PKIG: variants seen among roughly 807,000 people sequenced by gnomAD.
PKIG encodes the protein cAMP-dependent protein kinase inhibitor gamma.
Under a neutral mutation model 6.8 loss-of-function variants are expected in PKIG, and 1 was observed. That is an observed-to-expected ratio of 0.15 (90% CI 0.05 to 0.69). The LOEUF (loss-of-function observed/expected upper bound fraction) is 0.69. Among genes scored for constraint, PKIG ranks in the 30% least tolerant of loss-of-function variants. The probability of loss-of-function intolerance (pLI) is 0.82; values close to 1 mark genes in which losing one functional copy is unlikely to be tolerated. For synonymous variants in PKIG, 39 were observed against 43.0 expected, an observed-to-expected ratio of 0.91 and a Z score of 0.36; for missense variants, 77 against 104.0, an observed-to-expected ratio of 0.74 and a Z score of 1.13.
chr20:44,581,597 A>G (rs953595478), upstream of PKIG, among the ~76,000 whole-genome samples: 1 of 152,166 alleles, frequency 6.6e-6, no homozygotes. Context: ...CTGCTGTTCC[A>G]TGTTGGTCCC....
At chr20:44,569,597 A>G (rs145578325) in intron 1 of PKIG, among the ~76,000 whole-genome samples, 1 of 151,898 alleles carries the variant, frequency 6.6e-6, no homozygotes, top group East Asian at 1.9e-4. Context: ...TTGTTATTTT[A>G]TTTTGTCATT....
rs758343386 is a variant in PKIG, at chr20:44,618,580, G to A, written c.*216G>A. 7.2e-5 allele frequency: 37 copies of A among 510,570 alleles called. No homozygotes were observed. The highest frequency in any genetic ancestry group is 1.2e-4 in the Non-Finnish European group (35 of 280,034). The allele number at this position is 510,570 out of a possible 1,614,324, so 31.6% of individuals were successfully genotyped here. A position where few individuals can be genotyped will look rare whatever the true frequency, so the allele number is the denominator to read the frequency against. ...CACATTCCCACCACCTTCGCACCGT[G>A]CCCAGGTACACTTTCAAGACACTGT... On this transcript the variant is annotated 3_prime_UTR_variant, in exon 4 of 4. Coordinates refer to ENST00000372886, the MANE Select transcript of PKIG (RefSeq NM_001281445.2).
chr20:44,604,680 T>TA (rs2065148996), intron 2 of PKIG, among the ~76,000 whole-genome samples: 1 of 152,210 alleles, frequency 6.6e-6, no homozygotes, highest in Non-Finnish European at 1.5e-5. Flanking sequence ...GGAAGGCACT[T>TA]ACCTTGCATA....
At chr20:44,602,252 CTCTA>C (rs1268360322) in intron 2 of PKIG, among the ~76,000 whole-genome samples, 2 of 152,204 alleles carry the variant, frequency 1.3e-5, no homozygotes, top group African/African-American at 4.8e-5. Context: ...CTGGGTCCCT[CTCTA>C]TCCAACTTTT....
At chr20:44,574,616 C>T (rs1490659026) in intron 1 of PKIG, among the ~76,000 whole-genome samples, 1 of 152,154 alleles carries the variant, frequency 6.6e-6, no homozygotes, top group Non-Finnish European at 1.5e-5. Flanking sequence ...GCCTGTCACC[C>T]AGGCTGGAGT....
intron 1 of PKIG, among the ~76,000 whole-genome samples, chr20:44,566,804 C>A (rs1229565562): frequency 1.3e-5 from 2 of 152,162 alleles, no homozygotes; most frequent in Non-Finnish European, 2.9e-5. Flanking sequence ...CAAGATTGTA[C>A]TACTGTACTT....
chr20:44,544,873 G>A (rs955025273), intron 1 of PKIG, among the ~76,000 whole-genome samples: 2 of 144,530 alleles, frequency 1.4e-5, no homozygotes, highest in African/African-American at 5.1e-5. Flanking sequence ...TTTTTACATT[G>A]ACTTTCCTCT....
intron 1 of PKIG, among the ~76,000 whole-genome samples, chr20:44,568,002 T>G (rs1195462803): frequency 2.0e-5 from 3 of 152,106 alleles, no homozygotes; most frequent in African/African-American, 7.2e-5. Context: ...CAAAATGAGC[T>G]AGGCATGGTG....
chr20:44,546,791 A>G (rs1018439510), intron 1 of PKIG, among the ~76,000 whole-genome samples: 1 of 374 alleles, frequency 2.7e-3, no homozygotes, highest in Non-Finnish European at 5.1e-3. Context: ...GACCTCAGGT[A>G]ATTCCACCCG....
chr20:44,544,660 A>G (rs1057481263), intron 1 of PKIG, among the ~76,000 whole-genome samples: 2 of 152,220 alleles, frequency 1.3e-5, no homozygotes, highest in African/African-American at 4.8e-5. Flanking sequence ...CACCATGTTC[A>G]GTTTACATCT....
At chr20:44,533,077 C>A (rs1227589438) in intron 1 of PKIG, among the ~76,000 whole-genome samples, 1 of 152,162 alleles carries the variant, frequency 6.6e-6, no homozygotes, top group Non-Finnish European at 1.5e-5. Flanking sequence ...GGTATAGTTT[C>A]AGAAAGATCA....
chr20:44,536,927 G>GT (rs1040910302), intron 1 of PKIG, among the ~76,000 whole-genome samples: 1 of 151,782 alleles, frequency 6.6e-6, no homozygotes, highest in Non-Finnish European at 1.5e-5. Context: ...TTTGTTTTTT[G>GT]TTTTTTTGTG....
intron 1 of PKIG, among the ~76,000 whole-genome samples, chr20:44,533,334 C>CA (rs2064484492): frequency 6.6e-6 from 1 of 152,100 alleles, no homozygotes; most frequent in African/African-American, 2.4e-5. Flanking sequence ...CTGGCTAATT[C>CA]AAAAAATATT....
intron 1 of PKIG, among the ~76,000 whole-genome samples, chr20:44,569,804 T>C (rs1316066678): frequency 2.0e-5 from 3 of 152,176 alleles, no homozygotes; most frequent in East Asian, 3.9e-4. Context: ...TCCAGAGATA[T>C]ACAATTTGGT....
chr20:44,580,873 A>G (rs1036632693), upstream of PKIG, among the ~76,000 whole-genome samples: 20 of 152,122 alleles, frequency 1.3e-4, no homozygotes, highest in African/African-American at 4.6e-4. Context: ...CTCCGGTCCT[A>G]CCTTCCCATC....
chr20:44,612,873 C>T (rs776853109), intron 2 of PKIG, among the ~76,000 whole-genome samples: 85 of 152,112 alleles, frequency 5.6e-4, no homozygotes, highest in Non-Finnish European at 1.1e-3. Flanking sequence ...CTGTGTGTGG[C>T]GGTAGAAAAC....
intron 2 of PKIG, among the ~76,000 whole-genome samples, chr20:44,602,877 A>G (rs1414308319): frequency 4.0e-5 from 6 of 151,808 alleles, no homozygotes; most frequent in Admixed American, 3.3e-4. Flanking sequence ...CTTGGAGATC[A>G]TATTTCAAAC....
chr20:44,562,001 A>G (rs2123247248), intron 1 of PKIG, among the ~76,000 whole-genome samples: 1 of 152,292 alleles, frequency 6.6e-6, no homozygotes, highest in East Asian at 1.9e-4. Context: ...GAAGAAGATA[A>G]AGAGAAGCTA....
At chr20:44,558,650 CTCCTTCCTTCCT>C (rs1051802811) in intron 1 of PKIG, among the ~76,000 whole-genome samples, 3 of 113,148 alleles carry the variant, frequency 2.7e-5, no homozygotes, top group African/African-American at 1.1e-4. Context: ...TTTTTTCTTT[CTCCTTCCTTCCT>C]TCCTCTCTCT....
Sources: gnomAD v4.1 joint callset for allele counts (sites outside exome capture counted in the v4.1 genomes callset) on GRCh38, gnomAD v4.1.1 for gene constraint, MANE v1.5 for transcripts, NCBI Gene and HGNC (gene_info 2026-07-23, HGNC 2026-07-21) for gene names.